Variants in ASAP1 observed in about 807,000 individuals in gnomAD.
ASAP1 encodes ArfGAP with SH3 domain, ankyrin repeat and PH domain 1, also known as arf-GAP with SH3 domain, ANK repeat and PH domain-containing protein 1.
In ASAP1, 43 loss-of-function variants were observed where a neutral mutation model predicts 145.2. The ratio of observed to expected loss-of-function variants is 0.30; its 90% CI spans 0.23 to 0.38. ASAP1 has a LOEUF of 0.38. Ranked by LOEUF, ASAP1 falls within the 10% of genes least tolerant of loss-of-function variation. ASAP1 has a pLI of 1.00. For missense variants in ASAP1, 1,018 were observed against 1,355.3 expected (o/e 0.75, Z 3.91); for synonymous variants, 546 against 515.5 (o/e 1.06, Z -0.80).
At chr8:130,162,187 T>G (rs949282605) in intron 11 of ASAP1, among the ~76,000 whole-genome samples, 5 of 152,146 alleles carry the variant, frequency 3.3e-5, no homozygotes, top group African/African-American at 9.7e-5. Context: ...TTTTCACACT[T>G]TCTAAATGGA....
rs891780829 is a variant in ASAP1, at chr8:130,093,901, A to G, written c.2402-1758T>C. On this transcript the variant is annotated intron_variant, in intron 24 of 29. Transcript: ENST00000518721. ...AATATTGACTTAAACCATTATTTCT[A>G]TAAGATAGGCTAGTTCTGAAAGTAA... Among the ~76,000 whole-genome samples, 7 of 152,072 alleles carry G rather than the reference A, an allele frequency of 4.6e-5. 1 individual carries two copies. The South Asian group carries it at 1.5e-3, about 32-fold the overall frequency.
At chr8:130,155,831 C>T (rs1156663346) in intron 12 of ASAP1, among the ~76,000 whole-genome samples, 1 of 152,176 alleles carries the variant, frequency 6.6e-6, no homozygotes, top group Non-Finnish European at 1.5e-5. Context: ...GTGCCACACA[C>T]GATTACTGAT....
intron 3 of ASAP1, among the ~76,000 whole-genome samples, chr8:130,257,642 G>A (rs900238892): frequency 6.6e-6 from 1 of 152,106 alleles, no homozygotes; most frequent in Non-Finnish European, 1.5e-5. Flanking sequence ...GGGATCTACA[G>A]TCGGTAAATT....
At chr8:130,110,313 G>A (rs1462086142) in intron 24 of ASAP1, among the ~76,000 whole-genome samples, 1 of 152,186 alleles carries the variant, frequency 6.6e-6, no homozygotes, top group Non-Finnish European at 1.5e-5. Flanking sequence ...GGCATAGGCT[G>A]TGCCTGTCTA....
chr8:130,432,114 G>C (rs1015395361), intron 1 of ASAP1, among the ~76,000 whole-genome samples: 5 of 125,004 alleles, frequency 4.0e-5, no homozygotes, highest in African/African-American at 1.5e-4. Context: ...AGGGGGAGAG[G>C]GAAGAGGAGG....
At chr8:130,075,131 G>T (rs1410905047) in intron 27 of ASAP1, among the ~76,000 whole-genome samples, 1 of 152,152 alleles carries the variant, frequency 6.6e-6, no homozygotes, top group East Asian at 1.9e-4. Context: ...GACGGAATCT[G>T]GGCACACTGT....
At chr8:130,441,453 T>C (rs936985573) in intron 1 of ASAP1, among the ~76,000 whole-genome samples, 2 of 151,880 alleles carry the variant, frequency 1.3e-5, no homozygotes, top group East Asian at 1.9e-4. Context: ...ACAGCAGTGG[T>C]TGGGTGAAAA....
intron 17 of ASAP1, 116 bp from the exon 18 acceptor site, chr8:130,124,220 A>T (rs1164445446): frequency 5.4e-6 from 4 of 746,856 alleles, no homozygotes; most frequent in Non-Finnish European, 2.2e-6. Context: ...TTTGACTTAG[A>T]ATACAAACCA....
At chr8:130,071,009 GGGGAGAGAGAGAGAGAGA>G (rs2097444857) in intron 27 of ASAP1, among the ~76,000 whole-genome samples, 1 of 7,008 alleles carries the variant, frequency 1.4e-4, no homozygotes, top group Non-Finnish European at 2.3e-4. Context: ...GAGGGGAGGG[GGGGAGAGAGAGAGAGAGA>G]GAGAGAGAGA....
intron 2 of ASAP1, among the ~76,000 whole-genome samples, chr8:130,387,540 GAAAA>G (rs772010696): frequency 2.2e-5 from 2 of 91,444 alleles, no homozygotes; most frequent in African/African-American, 4.1e-5. Context: ...CATCAAGAAA[GAAAA>G]AAAAAAAAAA....
intron 2 of ASAP1, among the ~76,000 whole-genome samples, chr8:130,361,449 C>G (rs1470665419): frequency 6.6e-6 from 1 of 152,244 alleles, no homozygotes; most frequent in African/African-American, 2.4e-5. Context: ...TGGTAGACAG[C>G]TGGGGATTTC....
At chr8:130,330,763 C>A (rs2137786346) in intron 3 of ASAP1, among the ~76,000 whole-genome samples, 2 of 152,288 alleles carry the variant, frequency 1.3e-5, no homozygotes, top group South Asian at 4.1e-4. Flanking sequence ...TATCATTTAT[C>A]TTTTGTTGCC....
At chr8:130,117,742 C>T (rs928399074) in intron 20 of ASAP1, among the ~76,000 whole-genome samples, 1 of 152,186 alleles carries the variant, frequency 6.6e-6, no homozygotes, top group African/African-American at 2.4e-5. Context: ...TTGACCTGTG[C>T]TGTTAAGTCT....
At chr8:130,251,321 G>A (rs1384676356) in intron 3 of ASAP1, among the ~76,000 whole-genome samples, 1 of 152,162 alleles carries the variant, frequency 6.6e-6, no homozygotes, top group African/African-American at 2.4e-5. Flanking sequence ...GGGAGGCTGA[G>A]GCAGGAGAAG....
chr8:130,080,083 A>G (rs1196273831), intron 25 of ASAP1, 112 bp from the exon 26 acceptor site: 8 of 969,724 alleles, frequency 8.2e-6, no homozygotes, highest in Non-Finnish European at 1.3e-5. Flanking sequence ...ACGGCATTTA[A>G]AAGACCCAAG....
chr8:130,082,750 G>A (rs1333984260), intron 25 of ASAP1: 3 of 127,628 alleles, frequency 2.4e-5, no homozygotes, highest in African/African-American at 9.1e-5. Context: ...TAGAGACAAG[G>A]TCTCACTGTA....
At chr8:130,076,718 A>C (rs1160265723) in intron 26 of ASAP1, among the ~76,000 whole-genome samples, 1 of 152,090 alleles carries the variant, frequency 6.6e-6, no homozygotes, top group East Asian at 1.9e-4. Flanking sequence ...ATGGGGTTTC[A>C]CCATCTTGGC....
chr8:130,271,112 C>T (rs192700549), intron 3 of ASAP1, among the ~76,000 whole-genome samples: 2 of 152,350 alleles, frequency 1.3e-5, no homozygotes, highest in Admixed American at 1.3e-4. Flanking sequence ...TTTGGTCTCA[C>T]TTGCCCTGCA....
At chr8:130,409,344 T>G (rs1829168275) in intron 1 of ASAP1, among the ~76,000 whole-genome samples, 1 of 152,154 alleles carries the variant, frequency 6.6e-6, no homozygotes, top group South Asian at 2.1e-4. Context: ...CGTGGGGATT[T>G]TGTACTAATC....
Sources: allele counts gnomAD v4.1 joint callset (sites outside exome capture counted in the v4.1 genomes callset), GRCh38; gene constraint gnomAD v4.1.1; transcripts MANE v1.5; gene names NCBI Gene and HGNC (gene_info 2026-07-23, HGNC 2026-07-21).